KANSL1L: variants seen among roughly 807,000 people sequenced by gnomAD.
KANSL1L encodes the protein KAT8 regulatory NSL complex subunit 1 like.
Under a neutral mutation model 108.6 loss-of-function variants are expected in KANSL1L, and 25 were observed. That is an observed-to-expected ratio of 0.23 (90% CI 0.17 to 0.32). KANSL1L has a LOEUF of 0.32. Ranked by LOEUF, KANSL1L falls within the 10% of genes least tolerant of loss-of-function variation. The pLI is 1.00. For missense variants in KANSL1L, 1,137 were observed against 1,125.7 expected (o/e 1.01, Z -0.14); for synonymous variants, 405 against 395.1 (o/e 1.03, Z -0.30).
At chr2:210,031,601 AC>A in intron 8 of KANSL1L, 55 bp from the exon 9 acceptor site, 1 of 1,150,258 alleles carries the variant, frequency 8.7e-7, no homozygotes, top group Non-Finnish European at 1.2e-6. Flanking sequence ...CAGACAGTGA[AC>A]ATGTCAATCT....
intron 5 of KANSL1L, among the ~76,000 whole-genome samples, chr2:210,093,305 C>A (rs2094708446): frequency 6.6e-6 from 1 of 152,178 alleles, no homozygotes; most frequent in Non-Finnish European, 1.5e-5. Flanking sequence ...ACCATCACAC[C>A]CAGCTAATTT....
chr2:210,121,738 G>A (rs973497401), intron 3 of KANSL1L, among the ~76,000 whole-genome samples: 3 of 152,254 alleles, frequency 2.0e-5, no homozygotes, highest in African/African-American at 7.2e-5. Flanking sequence ...CATCAGAAAG[G>A]AAGAAGTCAA....
intron 6 of KANSL1L, among the ~76,000 whole-genome samples, chr2:210,050,542 G>T (rs1255159653): frequency 6.6e-6 from 1 of 151,984 alleles, no homozygotes; most frequent in Non-Finnish European, 1.5e-5. Context: ...TTATCTGCAG[G>T]GGATACAGTG....
At chr2:210,069,768 T>C in intron 6 of KANSL1L, among the ~76,000 whole-genome samples, 1 of 149,004 alleles carries the variant, frequency 6.7e-6, no homozygotes, top group Non-Finnish European at 1.5e-5. Context: ...TTTAACTTAT[T>C]TATTTATTGC....
chr2:210,148,645 C>T (rs1185792761), intron 2 of KANSL1L, among the ~76,000 whole-genome samples: 1 of 152,016 alleles, frequency 6.6e-6, no homozygotes, highest in Non-Finnish European at 1.5e-5. Flanking sequence ...TATTAAAGTC[C>T]GTTAGTAATA....
intron 8 of KANSL1L, among the ~76,000 whole-genome samples, chr2:210,033,697 T>TA (rs1410919132): frequency 6.8e-6 from 1 of 147,206 alleles, no homozygotes; most frequent in Non-Finnish European, 1.5e-5. Flanking sequence ...GCCCGGCTAT[T>TA]TTTTTTTTTT....
At position 210,162,955 on chromosome 2, in the gene KANSL1L, AG is replaced by A. The variant is rs201160723; in HGVS notation, c.-30+8193del. ...ATCCTACCTAAGCAGGGAAAAACTG[AG>A]AAGCACTAGTGAAGTTCACAGCCCA... On this transcript the variant is annotated intron_variant, in intron 1 of 14. Coordinates refer to ENST00000281772, the MANE Select transcript of KANSL1L (RefSeq NM_152519.4). Among the ~76,000 whole-genome samples the A allele has an allele frequency of 2.0e-5, 3 of 152,338 alleles. No individual in the cohort carries two copies. The East Asian group carries it at 5.8e-4, about 29-fold the overall frequency.
intron 1 of KANSL1L, among the ~76,000 whole-genome samples, chr2:210,169,046 C>T (rs1283485243): frequency 6.6e-6 from 1 of 151,982 alleles, no homozygotes; most frequent in Non-Finnish European, 1.5e-5. Flanking sequence ...AAGCCTAATA[C>T]TAGGTGATAA....
At chr2:210,144,095 G>GT (rs1559598863) in intron 2 of KANSL1L, among the ~76,000 whole-genome samples, 1 of 152,166 alleles carries the variant, frequency 6.6e-6, no homozygotes, top group South Asian at 2.1e-4. Context: ...GCTGGGTTTG[G>GT]TTTTTTGGTT....
chr2:210,098,033 G>C, intron 5 of KANSL1L, 53 bp downstream of exon 5: 3 of 1,493,662 alleles, frequency 2.0e-6, no homozygotes, highest in Non-Finnish European at 2.7e-6. Context: ...ATCAAAATAA[G>C]ATAAAATAGG....
At chr2:210,031,685 C>G (rs994394397) in intron 8 of KANSL1L, 139 bp from the exon 9 acceptor site, 9 of 511,884 alleles carry the variant, frequency 1.8e-5, no homozygotes, top group Non-Finnish European at 3.0e-5. Flanking sequence ...CCAAGACACA[C>G]AACTCCAACT....
intron 5 of KANSL1L, among the ~76,000 whole-genome samples, chr2:210,094,633 T>C (rs1449914751): frequency 2.0e-5 from 3 of 152,076 alleles, no homozygotes; most frequent in Admixed American, 6.6e-5. Flanking sequence ...GTATCTCCGA[T>C]TAATTTTAAA....
chr2:210,097,616 TA>T lies in KANSL1L; in HGVS notation c.1550+469del, dbSNP rs556366723. Among the ~76,000 whole-genome samples, 16 of 152,110 alleles carry T rather than the reference TA, an allele frequency of 1.1e-4. No homozygotes were observed. In the South Asian group the frequency reaches 2.5e-3, roughly 24 times the overall value. ...TGTTTATAGGAGTTATTAATTATAGTAAAAAAAATTTACCTTATATAAAGCT... is the reference window on the plus strand; with the variant it reads ...TGTTTATAGGAGTTATTAATTATAGTAAAAAAATTTACCTTATATAAAGCT... On this transcript the variant is annotated intron_variant, in intron 5 of 14. Coordinates refer to ENST00000281772, the MANE Select transcript of KANSL1L (RefSeq NM_152519.4).
At chr2:210,167,761 G>A (rs930153282) in intron 1 of KANSL1L, among the ~76,000 whole-genome samples, 2 of 151,856 alleles carry the variant, frequency 1.3e-5, no homozygotes, top group African/African-American at 2.4e-5. Context: ...GAATTTTCAC[G>A]TCCATACAGA....
At chr2:210,095,719 A>G (rs1431467806) in intron 5 of KANSL1L, among the ~76,000 whole-genome samples, 1 of 152,192 alleles carries the variant, frequency 6.6e-6, no homozygotes, top group Non-Finnish European at 1.5e-5. Flanking sequence ...ATAAAGAGCT[A>G]TTAAACTTAA....
chr2:210,118,481 A>G (rs1007418034), intron 3 of KANSL1L, among the ~76,000 whole-genome samples: 1 of 151,680 alleles, frequency 6.6e-6, no homozygotes, highest in African/African-American at 2.4e-5. Flanking sequence ...TCAAAAAAAA[A>G]AAAAAAAAAC....
At chr2:210,047,937 T>C (rs1430261661) in intron 6 of KANSL1L, among the ~76,000 whole-genome samples, 1 of 152,202 alleles carries the variant, frequency 6.6e-6, no homozygotes, top group Non-Finnish European at 1.5e-5. Flanking sequence ...TTCATACATA[T>C]GATTTGCCCC....
chr2:210,169,406 T>C (rs994154998), intron 1 of KANSL1L, among the ~76,000 whole-genome samples: 1 of 152,206 alleles, frequency 6.6e-6, no homozygotes, highest in African/African-American at 2.4e-5. Flanking sequence ...CTGAGTTAAA[T>C]GAAAATACCA....
chr2:210,058,623 G>A (rs2094383754), intron 6 of KANSL1L, among the ~76,000 whole-genome samples: 3 of 152,050 alleles, frequency 2.0e-5, no homozygotes, highest in Admixed American at 6.6e-5. Flanking sequence ...CACGAGGTCA[G>A]GAGATCGAGC....
Sources: gnomAD v4.1 joint callset for allele counts (sites outside exome capture counted in the v4.1 genomes callset) on GRCh38, gnomAD v4.1.1 for gene constraint, MANE v1.5 for transcripts, NCBI Gene and HGNC (gene_info 2026-07-23, HGNC 2026-07-21) for gene names.